The following SLC38A3 variants were observed in gnomAD, a reference collection of about 807,000 sequenced individuals.
SLC38A3 encodes solute carrier family 38 member 3, also known as sodium-coupled neutral amino acid transporter 3.
A neutral mutation model predicts 59.5 loss-of-function variants in SLC38A3; 17 were observed. The observed-to-expected ratio is 0.29, with a 90% confidence interval of 0.20 to 0.43. The LOEUF is 0.43. Among genes scored for constraint, SLC38A3 ranks in the 20% least tolerant of loss-of-function variants. The pLI is 1.00. For missense variants in SLC38A3, 454 were observed against 653.9 expected, an observed-to-expected ratio of 0.69 and a Z score of 3.33; for synonymous variants, 238 against 260.3, an observed-to-expected ratio of 0.91 and a Z score of 0.82.
chr3:50,219,735 T>G lies in SLC38A3; in HGVS notation c.1307-146T>G, dbSNP rs917065299. The G allele has an allele frequency of 3.0e-4, 197 of 656,510 alleles. 1 individual carries two copies. Among genetic ancestry groups the G allele is most frequent in the East Asian group, 2.7e-5 (1 of 36,576 alleles). The allele number at this position is 656,510 out of a possible 1,614,324, so 40.7% of individuals were successfully genotyped here. A position where few individuals can be genotyped will look rare whatever the true frequency, so the allele number is the denominator to read the frequency against. ...ATGGAGAACAAGGGGGAGAGGCTGG[T>G]GGGCTAGAATCAGGCAGAGCTCTCC... is the stretch of plus-strand genomic sequence containing the variant. On this transcript the variant is annotated intron_variant, in intron 14 of 15. Transcript: ENST00000614032.
chr3:50,208,577 T>TG (rs1205149648), intron 1 of SLC38A3, among the ~76,000 whole-genome samples: 3 of 152,234 alleles, frequency 2.0e-5, no homozygotes, highest in Non-Finnish European at 4.4e-5. Context: ...AGCTGTCTCT[T>TG]GCTGTCTTGT....
rs1424399521 is a variant in SLC38A3, at chr3:50,221,442, G to T, written c.*1265G>T. The stretch of plus-strand genomic sequence containing the variant: ...CAAAAGTCCAGGAATCCTGTGCCCT[G>T]TTGGGCTGATCTTTTTATCAACAGT... On this transcript the variant is annotated 3_prime_UTR_variant, in exon 16 of 16. Transcript: ENST00000614032. The T allele has an allele frequency of 6.6e-6, 1 of 152,236 alleles. No individual in the cohort carries two copies. Among genetic ancestry groups the T allele is most frequent in the Non-Finnish European group, 1.5e-5 (1 of 68,040 alleles). The allele number at this position is 152,236 out of a possible 1,614,324, so 9.4% of individuals were successfully genotyped here.
Position 50,221,030 on chromosome 3 carries a change from G to GT in SLC38A3, c.*854dup, listed in dbSNP as rs1220165677. 6.6e-6 allele frequency: 1 copy of GT among 152,270 alleles called. No homozygotes were observed. The highest frequency in any genetic ancestry group is 1.5e-5 in the Non-Finnish European group (1 of 68,098). 9.4% of individuals were successfully genotyped at this position (152,270 alleles called of 1,614,324 possible). ...GGTCCCTGGATTCCTGGAAAGTGAG[G>GT]TACGGGCCAGAACATGGATGGTGAT... On this transcript the variant is annotated 3_prime_UTR_variant, in exon 16 of 16. Coordinates refer to ENST00000614032, the MANE Select transcript of SLC38A3 (RefSeq NM_006841.6).
At position 50,214,275 on chromosome 3, in the gene SLC38A3, A is replaced by T; in HGVS notation, c.76A>T (p.Ile26Phe). 6.2e-7 allele frequency: 1 copy of T among 1,613,948 alleles called. No homozygotes were observed. Among genetic ancestry groups the T allele is most frequent in the South Asian group, 1.1e-5 (1 of 91,074 alleles). The change falls in exon 2 of 16, where the codon ATC (isoleucine) becomes TTC (phenylalanine). Residue 26 changes from isoleucine to phenylalanine, a missense_variant. Transcript: ENST00000614032. The surrounding 1 kb of genome is among the most constrained non-coding windows in gnomAD (Gnocchi z 6.0). ...GKHSEGLLPV[I>F]TPMAGNQRVE... is the part of the protein sequence containing the mutation. The stretch of plus-strand genomic sequence containing the variant: ...ACACTCAGAGGGGCTGCTCCCGGTC[A>T]TCACCCCCATGGCAGGCAACCAGAG...
intron 1 of SLC38A3, among the ~76,000 whole-genome samples, chr3:50,211,913 G>C (rs894108705): frequency 5.9e-5 from 9 of 152,092 alleles, no homozygotes; most frequent in African/African-American, 1.9e-4. Flanking sequence ...TTGAGACCCA[G>C]CATTATGTGG....
Position 50,214,074 on chromosome 3 carries a change from C to A in SLC38A3, c.-51-75C>A. The A allele has an allele frequency of 2.5e-6, 2 of 796,984 alleles. No homozygotes were observed. The highest frequency in any genetic ancestry group is 1.7e-5 in the South Asian group (1 of 59,572). 49.4% of individuals were successfully genotyped at this position (796,984 alleles called of 1,614,324 possible). A position where few individuals can be genotyped will look rare whatever the true frequency, so the allele number is the denominator to read the frequency against. Reference sequence around the variant, plus strand: ...TGACCATCTGGGAGGTGTGCTATGGCTGCAGGCCTCAGGTAGGAGGCTAGG... The same window carrying A: ...TGACCATCTGGGAGGTGTGCTATGGATGCAGGCCTCAGGTAGGAGGCTAGG... On this transcript the variant is annotated intron_variant, in intron 1 of 15. Coordinates refer to ENST00000614032, the MANE Select transcript of SLC38A3 (RefSeq NM_006841.6). The surrounding 1 kb of genome is among the most constrained non-coding windows in gnomAD (Gnocchi z 6.0).
intron 1 of SLC38A3, among the ~76,000 whole-genome samples, chr3:50,206,409 G>C (rs1300236824): frequency 6.6e-6 from 1 of 152,240 alleles, no homozygotes; most frequent in African/African-American, 2.4e-5. Context: ...CCCTGGAAAA[G>C]GCCCTTGGAC....
At chr3:50,210,375 C>A (rs1248404913) in intron 1 of SLC38A3, among the ~76,000 whole-genome samples, 1 of 152,174 alleles carries the variant, frequency 6.6e-6, no homozygotes, top group Non-Finnish European at 1.5e-5. Context: ...TGGCGGAGGT[C>A]AGGTAGCCTG....
chr3:50,206,922 C>G (rs79445472), intron 1 of SLC38A3, among the ~76,000 whole-genome samples: 4,704 of 152,300 alleles, frequency 0.031, 232 homozygotes, highest in African/African-American at 0.11. Flanking sequence ...GTGCCACTGC[C>G]CTAGCAAGTA....
At chr3:50,213,521 G>C (rs534546997) in intron 1 of SLC38A3, among the ~76,000 whole-genome samples, 1 of 152,224 alleles carries the variant, frequency 6.6e-6, no homozygotes, top group South Asian at 2.1e-4. Flanking sequence ...GCTCTGGGGA[G>C]GGGGGACAGC....
chr3:50,218,415 A>G lies in SLC38A3; in HGVS notation c.1036+45A>G, dbSNP rs1385626621. On this transcript the variant is annotated intron_variant, in intron 12 of 15. Coordinates refer to ENST00000614032, the MANE Select transcript of SLC38A3 (RefSeq NM_006841.6). This position sits in a 1 kb window ranked among gnomAD's most constrained non-coding sequence, Gnocchi z 5.8. ...CAGAGGCCTAGGCTAGGCTGGGGGGAAGGGGCTGGTTGTGGCCATGGTGCC... is the reference window on the plus strand; with the variant it reads ...CAGAGGCCTAGGCTAGGCTGGGGGGGAGGGGCTGGTTGTGGCCATGGTGCC... 6.5e-7 allele frequency: 1 copy of G among 1,542,990 alleles called. No individual in the cohort carries two copies. Among genetic ancestry groups the G allele is most frequent in the Non-Finnish European group, 9.0e-7 (1 of 1,115,720 alleles).
rs1275960876 is a variant in SLC38A3 at position 50,209,445 on chromosome 3, G to A, written c.-52+4097G>A. Reference sequence around the variant, plus strand: ...GGGTGGATCACGAGGTCAGGAGATCGAGACCATCCTGGCTAACATGGTGAA... The same window carrying A: ...GGGTGGATCACGAGGTCAGGAGATCAAGACCATCCTGGCTAACATGGTGAA... On this transcript the variant is annotated intron_variant, in intron 1 of 15. Transcript: ENST00000614032. Among the ~76,000 whole-genome samples, 3 of 152,076 alleles carry A rather than the reference G, an allele frequency of 2.0e-5. 1 individual carries two copies. Among genetic ancestry groups the A allele is most frequent in the South Asian group, 4.1e-4 (2 of 4,830 alleles).
In SLC38A3 at chr3:50,214,241, C is replaced by A; in HGVS notation, c.42C>A (p.Pro14=). The change falls in exon 2 of 16, where the codon CCC becomes CCA. Residue 14 remains proline (P), a synonymous_variant. Coordinates refer to ENST00000614032, the MANE Select transcript of SLC38A3 (RefSeq NM_006841.6). This position sits in a 1 kb window ranked among gnomAD's most constrained non-coding sequence, Gnocchi z 6.0. ...AGACAGAGATGGTGGAGCTGGTGCC[C>A]AATGGCAAACACTCAGAGGGGCTGC... The part of the protein sequence containing the change: ...PLQTEMVELV[P]NGKHSEGLLP... 1 of 1,613,904 alleles carries A rather than the reference C, an allele frequency of 6.2e-7. No individual in the cohort carries two copies. Among genetic ancestry groups the A allele is most frequent in the South Asian group, 1.1e-5 (1 of 91,076 alleles).
chr3:50,214,622 C>T lies in SLC38A3; in HGVS notation c.184-31C>T. 6.5e-7 allele frequency: 1 copy of T among 1,535,350 alleles called. No homozygotes were observed. The highest frequency in any genetic ancestry group is 9.0e-7 in the Non-Finnish European group (1 of 1,117,310). On this transcript the variant is annotated intron_variant, in intron 3 of 15. Coordinates refer to ENST00000614032, the MANE Select transcript of SLC38A3 (RefSeq NM_006841.6). This position sits in a 1 kb window ranked among gnomAD's most constrained non-coding sequence, Gnocchi z 6.0. ...GCCCCTGTCCCTTGCTGACTCCTCC[C>T]ACCCTCCCCGTCCCATTCTGGTGCC...
At chr3:50,211,568 CTTTTTTTTTT>C (rs765148889) in intron 1 of SLC38A3, among the ~76,000 whole-genome samples, 2 of 81,192 alleles carry the variant, frequency 2.5e-5, no homozygotes, top group Non-Finnish European at 4.5e-5. Context: ...TGCCCCCATC[CTTTTTTTTTT>C]TTTTTTTTTT....
Position 50,214,244 on chromosome 3 carries a change from T to C in SLC38A3, c.45T>C (p.Asn15=), listed in dbSNP as rs772885421. 1 of 1,613,832 alleles carries C rather than the reference T, an allele frequency of 6.2e-7. No individual in the cohort carries two copies. The part of the protein sequence containing the change: ...LQTEMVELVP[N]GKHSEGLLPV... ...CAGAGATGGTGGAGCTGGTGCCCAA[T>C]GGCAAACACTCAGAGGGGCTGCTCC... is the stretch of plus-strand genomic sequence containing the variant. Residue 15 remains asparagine (N), a synonymous_variant, in exon 2 of 16, where the codon AAT becomes AAC. Coordinates refer to ENST00000614032, the MANE Select transcript of SLC38A3 (RefSeq NM_006841.6). This position sits in a 1 kb window ranked among gnomAD's most constrained non-coding sequence, Gnocchi z 6.0.
Position 50,221,120 on chromosome 3 carries a change from C to T in SLC38A3, c.*943C>T, listed in dbSNP as rs1699890154. 6.6e-6 allele frequency: 1 copy of T among 150,918 alleles called. No homozygotes were observed. 9.3% of individuals were successfully genotyped at this position (150,918 alleles called of 1,614,324 possible). A position where few individuals can be genotyped will look rare whatever the true frequency, so the allele number is the denominator to read the frequency against. On this transcript the variant is annotated 3_prime_UTR_variant, in exon 16 of 16. Transcript: ENST00000614032. The stretch of plus-strand genomic sequence containing the variant: ...CAGGGCAAGTCCCCCACCCACCCCA[C>T]CCCCTGCCTCCCAAACTAACCAGTG...
At position 50,217,964 on chromosome 3, in the gene SLC38A3, C is replaced by T. The variant is rs764097413; in HGVS notation, c.903C>T (p.Pro301=). ...TGGCCTTCGCCTTCGTCTGCCACCCCGAGGTGCTGCCCATCTATACTGAGC... is the reference window on the plus strand; with the variant it reads ...TGGCCTTCGCCTTCGTCTGCCACCCTGAGGTGCTGCCCATCTATACTGAGC... ...PIMAFAFVCH[P]EVLPIYTELK... Residue 301 remains proline, a synonymous_variant, in exon 11 of 16, where the codon CCC becomes CCT. Transcript: ENST00000614032. This position sits in a 1 kb window ranked among gnomAD's most constrained non-coding sequence, Gnocchi z 4.9. The T allele has an allele frequency of 9.9e-6, 16 of 1,613,910 alleles. No individual in the cohort carries two copies. The highest frequency in any genetic ancestry group is 2.2e-5 in the East Asian group (1 of 44,894).
Position 50,217,846 on chromosome 3 carries a change from G to A in SLC38A3, c.855+6G>A, listed in dbSNP as rs1699841744. The A allele has an allele frequency of 6.2e-7, 1 of 1,613,944 alleles. No individual in the cohort carries two copies. The highest frequency in any genetic ancestry group is 1.3e-5 in the African/African-American group (1 of 74,946). On this transcript the variant is annotated splice_donor_region_variant and intron_variant, in intron 10 of 15. Coordinates refer to ENST00000614032, the MANE Select transcript of SLC38A3 (RefSeq NM_006841.6). This position sits in a 1 kb window ranked among gnomAD's most constrained non-coding sequence, Gnocchi z 4.9. Reference sequence around the variant, plus strand: ...ACTTCACGCTCAACTCACAGGTTCTGACAGGTCAGGGCAAGGCGGGGGCCC... The same window carrying A: ...ACTTCACGCTCAACTCACAGGTTCTAACAGGTCAGGGCAAGGCGGGGGCCC...
Sources: gnomAD v4.1 joint callset for allele counts (sites outside exome capture counted in the v4.1 genomes callset) on GRCh38, gnomAD v4.1.1 for gene constraint, Gnocchi (gnomAD v3.1) non-coding constraint, MANE v1.5 for transcripts, NCBI Gene and HGNC (gene_info 2026-07-23, HGNC 2026-07-21) for gene names.